Variants in ORC3 observed in about 807,000 individuals in gnomAD.
The protein encoded by ORC3 is homolog of latheo, Drosophila.
ORC3 carries 78 observed loss-of-function variants against 100.7 expected under a neutral mutation model. That is an observed-to-expected ratio of 0.77 (90% CI 0.65 to 0.94). ORC3 has a LOEUF of 0.94. ORC3 is among the 40% of genes least tolerant of loss of function. The pLI is 0.00. For synonymous variants in ORC3, 295 were observed against 289.3 expected, an observed-to-expected ratio of 1.02 and a Z score of -0.20; for missense variants, 789 against 823.9, an observed-to-expected ratio of 0.96 and a Z score of 0.52.
At chr6:87,664,557 GT>G (rs1770451738) in intron 17 of ORC3, among the ~76,000 whole-genome samples, 185 bp from the exon 18 acceptor site, 2 of 152,146 alleles carry the variant, frequency 1.3e-5, no homozygotes, top group African/African-American at 4.8e-5. Context: ...AACTAGAGGG[GT>G]TATGACCAAG....
intron 6 of ORC3, among the ~76,000 whole-genome samples, chr6:87,608,265 G>A (rs1482215723): frequency 6.6e-6 from 1 of 152,088 alleles, no homozygotes; most frequent in Non-Finnish European, 1.5e-5. Flanking sequence ...AGTCTAATTT[G>A]TTTTATGTTT....
At chr6:87,627,348 T>A (rs1371081928) in intron 11 of ORC3, among the ~76,000 whole-genome samples, 2 of 124,792 alleles carry the variant, frequency 1.6e-5, no homozygotes, top group Middle Eastern at 6.0e-3. Flanking sequence ...CAGGCTAGAG[T>A]GTAGTGGCAC....
chr6:87,673,393 A>G, the ORC3 span, among the ~76,000 whole-genome samples: 5 of 152,102 alleles, frequency 3.3e-5, no homozygotes, highest in African/African-American at 1.2e-4. Flanking sequence ...GGTTATCACA[A>G]TTGTGGGAGG....
At chr6:87,644,719 T>A (rs1220558253) in intron 13 of ORC3, among the ~76,000 whole-genome samples, 2 of 151,900 alleles carry the variant, frequency 1.3e-5, no homozygotes, top group Non-Finnish European at 1.5e-5. Flanking sequence ...CGTGGTGGCG[T>A]GTGCCTATAA....
chr6:87,618,139 G>A (rs571850061), intron 9 of ORC3, among the ~76,000 whole-genome samples: 5 of 152,166 alleles, frequency 3.3e-5, no homozygotes, highest in Admixed American at 6.6e-5. Context: ...GGCTGGGCGC[G>A]GTGGCTCACG....
chr6:87,597,935 T>G (rs1421970670), intron 2 of ORC3, among the ~76,000 whole-genome samples: 2 of 152,132 alleles, frequency 1.3e-5, no homozygotes, highest in African/African-American at 2.4e-5. Flanking sequence ...CCCATTATCA[T>G]TAGGGACACA....
In ORC3 at chr6:87,664,817, C is replaced by T. The variant is rs752093687; in HGVS notation, c.1908C>T (p.His636=). ...APDICIAYKL[H]LECSRLINLV... Reference sequence around the variant, plus strand: ...ACATCTGCATAGCATACAAACTGCACCTAGAGTGTAGCAGGCTCATCAACC... The same window carrying T: ...ACATCTGCATAGCATACAAACTGCATCTAGAGTGTAGCAGGCTCATCAACC... Residue 636 remains histidine (H), a synonymous_variant, in exon 18 of 20, where the codon CAC becomes CAT. Transcript: ENST00000392844. The T allele has an allele frequency of 6.2e-7, 1 of 1,613,958 alleles. No individual in the cohort carries two copies.
At chr6:87,656,374 G>A (rs1440621673) in intron 14 of ORC3, among the ~76,000 whole-genome samples, 1 of 152,138 alleles carries the variant, frequency 6.6e-6, no homozygotes, top group African/African-American at 2.4e-5. Flanking sequence ...GATCACCTGA[G>A]GTCAGCAGTT....
At chr6:87,599,564 C>T (rs913537384) in intron 2 of ORC3, among the ~76,000 whole-genome samples, 1 of 151,878 alleles carries the variant, frequency 6.6e-6, no homozygotes, top group Non-Finnish European at 1.5e-5. Flanking sequence ...GATGGGGTTT[C>T]ACCATGTTGG....
At chr6:87,598,975 G>C (rs1484104754) in intron 2 of ORC3, among the ~76,000 whole-genome samples, 1 of 152,134 alleles carries the variant, frequency 6.6e-6, no homozygotes, top group East Asian at 1.9e-4. Context: ...ATAGGAACTG[G>C]AGAGAGAGAG....
At chr6:87,642,786 C>T (rs1768376894) in intron 13 of ORC3, among the ~76,000 whole-genome samples, 1 of 151,724 alleles carries the variant, frequency 6.6e-6, no homozygotes, top group Non-Finnish European at 1.5e-5. Flanking sequence ...CCTGTAGTCC[C>T]AGCTACTCAG....
intron 8 of ORC3, among the ~76,000 whole-genome samples, chr6:87,614,248 G>C (rs552359074): frequency 6.6e-6 from 1 of 152,332 alleles, no homozygotes; most frequent in South Asian, 2.1e-4. Flanking sequence ...CGAACTTTGT[G>C]TTGGCCCTTT....
In ORC3 at chr6:87,665,813, A is replaced by G. The variant is rs764328077; in HGVS notation, c.2010A>G (p.Glu670=). 1 of 1,608,560 alleles carries G rather than the reference A, an allele frequency of 6.2e-7. No homozygotes were observed. The highest frequency in any genetic ancestry group is 8.5e-7 in the Non-Finnish European group (1 of 1,175,264). Reference sequence around the variant, plus strand: ...TGGATGCAAATTCTGCAACCTCAGAAGAAATGAATGAAATTATCCAGTATC... The same window carrying G: ...TGGATGCAAATTCTGCAACCTCAGAGGAAATGAATGAAATTATCCAGTATC... ...EKMDANSATS[E]EMNEIIHARF... Residue 670 remains glutamate (E), a synonymous_variant, in exon 19 of 20, where the codon GAA becomes GAG. Transcript: ENST00000392844.
At chr6:87,608,014 C>T (rs1451348176) in intron 6 of ORC3, among the ~76,000 whole-genome samples, 190 bp downstream of exon 6, 2 of 152,164 alleles carry the variant, frequency 1.3e-5, no homozygotes, top group African/African-American at 2.4e-5. Context: ...TAGTATGCAG[C>T]CTAATTCCAG....
chr6:87,604,309 C>T (rs1445220948), intron 4 of ORC3, among the ~76,000 whole-genome samples: 3 of 152,114 alleles, frequency 2.0e-5, no homozygotes, highest in Admixed American at 2.0e-4. Context: ...CTCCAGGGAT[C>T]GTATTAAAAT....
chr6:87,676,706 G>A, the ORC3 span, among the ~76,000 whole-genome samples: 5 of 151,740 alleles, frequency 3.3e-5, no homozygotes, highest in African/African-American at 7.3e-5. Flanking sequence ...CTTGAGCCCG[G>A]GAGGCAGAGG....
chr6:87,676,596 A>AACACACGCATGCGCGCGCAC, the ORC3 span, among the ~76,000 whole-genome samples: 7 of 142,146 alleles, frequency 4.9e-5, no homozygotes, highest in African/African-American at 1.9e-4. Flanking sequence ...CTCTACTAAA[A>AACACACGCATGCGCGCGCAC]ACACACACAC....
intron 13 of ORC3, among the ~76,000 whole-genome samples, chr6:87,647,615 C>T (rs1768903324): frequency 6.6e-6 from 1 of 152,226 alleles, no homozygotes; most frequent in African/African-American, 2.4e-5. Flanking sequence ...TCTCCCAGCT[C>T]TCCCACTAGA....
chr6:87,622,533 A>G (rs1779609508), intron 11 of ORC3, among the ~76,000 whole-genome samples: 1 of 152,092 alleles, frequency 6.6e-6, no homozygotes, highest in Admixed American at 6.6e-5. Flanking sequence ...ATATCAAAAG[A>G]AGGAGGGCTT....
Sources: allele counts gnomAD v4.1 joint callset (sites outside exome capture counted in the v4.1 genomes callset), GRCh38; gene constraint gnomAD v4.1.1; transcripts MANE v1.5; gene names NCBI Gene and HGNC (gene_info 2026-07-23, HGNC 2026-07-21).